Variants in CTCF observed in about 807,000 individuals in gnomAD.
The protein encoded by CTCF is transcriptional repressor CTCF.
CTCF carries 7 observed loss-of-function variants against 72.3 expected under a neutral mutation model. That is an observed-to-expected ratio of 0.10 (90% CI 0.06 to 0.18). The LOEUF is 0.18. Among genes scored for constraint, CTCF ranks in the 10% least tolerant of loss-of-function variants. CTCF has a pLI of 1.00. For missense variants in CTCF, 516 were observed against 949.1 expected (o/e 0.54, Z 6.00); for synonymous variants, 374 against 315.8 (o/e 1.18, Z -1.95).
intron 5 of CTCF, among the ~76,000 whole-genome samples, chr16:67,617,850 C>T (rs2052152626): frequency 6.6e-6 from 1 of 152,134 alleles, no homozygotes; most frequent in Admixed American, 6.6e-5. Flanking sequence ...AACTTACCCT[C>T]AGAGAGAAGC....
chr16:67,579,989 C>T (rs2051558112), intron 2 of CTCF, among the ~76,000 whole-genome samples: 1 of 152,078 alleles, frequency 6.6e-6, no homozygotes, highest in Non-Finnish European at 1.5e-5. Context: ...TAAGAGTTTT[C>T]AGCATGGTGG....
chr16:67,606,756 GTT>G (rs796220502), intron 2 of CTCF, among the ~76,000 whole-genome samples: 9 of 124,458 alleles, frequency 7.2e-5, no homozygotes, highest in Non-Finnish European at 1.3e-4. Flanking sequence ...TTTGTTTTGG[GTT>G]TTTTTTTTTT....
At chr16:67,580,624 C>G (rs746971919) in intron 2 of CTCF, among the ~76,000 whole-genome samples, 18 of 152,014 alleles carry the variant, frequency 1.2e-4, no homozygotes, top group Admixed American at 2.6e-4. Flanking sequence ...TGCAGTGGCT[C>G]AATCTCAGCT....
chr16:67,631,228 C>T (rs1209176365), intron 10 of CTCF, among the ~76,000 whole-genome samples: 3 of 144,080 alleles, frequency 2.1e-5, no homozygotes, highest in African/African-American at 8.0e-5. Context: ...TGCAGTAGTG[C>T]GATCTCTGCT....
intron 5 of CTCF, among the ~76,000 whole-genome samples, 156 bp from the exon 6 acceptor site, chr16:67,620,541 A>G (rs1412055496): frequency 6.6e-6 from 1 of 152,182 alleles, no homozygotes; most frequent in Non-Finnish European, 1.5e-5. Context: ...TCGAGAAGCA[A>G]AGTTTACAAA....
At chr16:67,597,000 CCTTTTT>C (rs1454002517) in intron 2 of CTCF, among the ~76,000 whole-genome samples, 2 of 152,054 alleles carry the variant, frequency 1.3e-5, no homozygotes, top group Non-Finnish European at 1.5e-5. Flanking sequence ...AAGCTGTTCA[CCTTTTT>C]CTTTTTAAAG....
At chr16:67,612,171 C>A in intron 4 of CTCF, 50 bp downstream of exon 4, 1 of 1,542,636 alleles carries the variant, frequency 6.5e-7, no homozygotes, top group Non-Finnish European at 8.8e-7. Context: ...TCAGACTTCG[C>A]TTTTTAGTAT....
intron 2 of CTCF, among the ~76,000 whole-genome samples, chr16:67,598,074 T>TC (rs2051838128): frequency 6.6e-6 from 1 of 152,094 alleles, no homozygotes; most frequent in South Asian, 2.1e-4. Context: ...CCTCCTGGGC[T>TC]CAGGCGATCC....
At chr16:67,571,750 G>A (rs2051423504) in intron 2 of CTCF, among the ~76,000 whole-genome samples, 1 of 152,126 alleles carries the variant, frequency 6.6e-6, no homozygotes, top group Non-Finnish European at 1.5e-5. Context: ...TGGTATCCTG[G>A]ATAAAAATTG....
At chr16:67,637,165 C>A (rs939830652) in intron 11 of CTCF, among the ~76,000 whole-genome samples, 1 of 152,068 alleles carries the variant, frequency 6.6e-6, no homozygotes, top group African/African-American at 2.4e-5. Context: ...AGAATGGATG[C>A]GGTAATGAAT....
Position 67,638,305 on chromosome 16 carries a change from T to A in CTCF, c.*433T>A, listed in dbSNP as rs371146203. ...TTTTAAACTGTTTTTTGCTTTTGCT[T>A]TTCCCTGACTCCCTTTGCTTGGAGT... On this transcript the variant is annotated 3_prime_UTR_variant, in exon 12 of 12. Coordinates refer to ENST00000264010, the MANE Select transcript of CTCF (RefSeq NM_006565.4). 2.3e-4 allele frequency: 54 copies of A among 230,926 alleles called. 1 individual carries two copies. The highest frequency in any genetic ancestry group is 2.0e-3 in the East Asian group (31 of 15,862). 14.3% of individuals were successfully genotyped at this position (230,926 alleles called of 1,614,324 possible).
intron 10 of CTCF, among the ~76,000 whole-genome samples, chr16:67,631,054 T>A (rs1027871894): frequency 5.9e-5 from 9 of 152,146 alleles, no homozygotes; most frequent in African/African-American, 2.2e-4. Flanking sequence ...TGTTTTGCAC[T>A]GGTTGTCAGT....
chr16:67,582,815 C>T (rs2051604525), intron 2 of CTCF, among the ~76,000 whole-genome samples: 1 of 151,542 alleles, frequency 6.6e-6, no homozygotes, highest in Admixed American at 6.6e-5. Context: ...TTCTTGTTTT[C>T]TAAGTGGTAG....
intron 10 of CTCF, among the ~76,000 whole-genome samples, chr16:67,635,887 A>G (rs947541323): frequency 1.3e-5 from 2 of 152,058 alleles, no homozygotes; most frequent in East Asian, 1.9e-4. Flanking sequence ...CAGCCTCCCA[A>G]CGTGCTGGGA....
chr16:67,611,948 T>C lies in CTCF; in HGVS notation c.782-3T>C. The stretch of plus-strand genomic sequence containing the variant: ...GCAAGTAAGTGTTTTATTTTGCACA[T>C]AGGTGTAAAGAAGACATTCCAGTGT... On this transcript the variant is annotated splice_polypyrimidine_tract_variant and splice_region_variant and intron_variant, in intron 3 of 11. Transcript: ENST00000264010. 6.2e-7 allele frequency: 1 copy of C among 1,613,502 alleles called. No individual in the cohort carries two copies. Among genetic ancestry groups the C allele is most frequent in the Non-Finnish European group, 8.5e-7 (1 of 1,179,458 alleles).
chr16:67,601,127 A>G (rs993547961), intron 2 of CTCF, among the ~76,000 whole-genome samples: 9 of 151,920 alleles, frequency 5.9e-5, no homozygotes, highest in East Asian at 1.9e-4. Flanking sequence ...GGTCCAGCCT[A>G]TTGGTTACTT....
chr16:67,630,472 C>T (rs2052348572), intron 10 of CTCF, among the ~76,000 whole-genome samples: 1 of 152,136 alleles, frequency 6.6e-6, no homozygotes, highest in Non-Finnish European at 1.5e-5. Flanking sequence ...TGCCAAGCCT[C>T]GGTCGGGCAC....
chr16:67,594,462 G>A (rs906934844), intron 2 of CTCF, among the ~76,000 whole-genome samples: 3 of 151,986 alleles, frequency 2.0e-5, no homozygotes, highest in African/African-American at 7.3e-5. Flanking sequence ...CATTTTGTGG[G>A]GGATGAAGTG....
At chr16:67,562,983 C>T (rs1368266545) in intron 1 of CTCF, among the ~76,000 whole-genome samples, 1 of 139,172 alleles carries the variant, frequency 7.2e-6, no homozygotes, top group Non-Finnish European at 1.5e-5. Flanking sequence ...CCTCGGGCGG[C>T]GGCAGAGGCA....
Sources: allele counts gnomAD v4.1 joint callset (sites outside exome capture counted in the v4.1 genomes callset), GRCh38; gene constraint gnomAD v4.1.1; transcripts MANE v1.5; gene names NCBI Gene and HGNC (gene_info 2026-07-23, HGNC 2026-07-21).